CIT: variants seen among roughly 807,000 people sequenced by gnomAD.
CIT encodes the protein citron rho-interacting serine/threonine kinase.
In CIT, 79 loss-of-function variants were observed where a neutral mutation model predicts 272.7. The ratio of observed to expected loss-of-function variants is 0.29; its 90% CI spans 0.24 to 0.35. CIT has a LOEUF of 0.35. CIT is among the 10% of genes least tolerant of loss of function. The pLI, the probability that CIT is intolerant of heterozygous loss-of-function variation, is 1.00. For synonymous variants in CIT, 948 were observed against 995.6 expected (o/e 0.95, Z 0.90); for missense variants, 1,909 against 2,618.3 (o/e 0.73, Z 5.91).
rs574845946 is a variant in CIT at position 119,690,181 on chromosome 12, G to A, written c.6156C>T (p.Ala2052=). The A allele has an allele frequency of 2.0e-5, 29 of 1,485,004 alleles. No individual in the cohort carries two copies. In the African/African-American group the frequency reaches 2.9e-4, roughly 15 times the overall value. 92.0% of individuals were successfully genotyped at this position (1,485,004 alleles called of 1,614,324 possible). A position where few individuals can be genotyped will look rare whatever the true frequency, so the allele number is the denominator to read the frequency against. The change falls in exon 47 of 48, where the codon GCC becomes GCT. Residue 2052 remains alanine (A), a synonymous_variant. Coordinates refer to ENST00000392521, the MANE Select transcript of CIT (RefSeq NM_001206999.2). The surrounding 1 kb of genome is among the most constrained non-coding windows in gnomAD (Gnocchi z 6.0). The stretch of plus-strand genomic sequence containing the variant: ...TCACCTGGGACAGCGGGGTCCTCAC[G>A]GCTCCCGCAGGCAGCCGGCCCCTGC... ...DSSRGRLPAG[A]VRTPLSQVNK... is the part of the protein sequence containing the mutation.
At chr12:119,764,829 C>T (rs751977707) in intron 19 of CIT, among the ~76,000 whole-genome samples, 2 of 151,816 alleles carry the variant, frequency 1.3e-5, no homozygotes, top group Non-Finnish European at 2.9e-5. Flanking sequence ...TTTTTTGAGA[C>T]AGAGTCTCAC....
intron 32 of CIT, among the ~76,000 whole-genome samples, chr12:119,716,384 A>C (rs1957484891): frequency 2.7e-5 from 1 of 37,594 alleles, no homozygotes; most frequent in Non-Finnish European, 4.8e-5. Flanking sequence ...GTCTCAAAAA[A>C]AAAAAAAAAA....
At chr12:119,750,871 G>A (rs887464177) in intron 23 of CIT, among the ~76,000 whole-genome samples, 22 of 152,180 alleles carry the variant, frequency 1.4e-4, no homozygotes, top group Admixed American at 3.9e-4. Context: ...TTCATTCCAC[G>A]GAAGTAACCC....
intron 9 of CIT, among the ~76,000 whole-genome samples, chr12:119,813,976 G>C (rs2137969551): frequency 6.6e-6 from 1 of 151,936 alleles, no homozygotes; most frequent in East Asian, 1.9e-4. Flanking sequence ...TTTCTGCTTT[G>C]GTCACTGGGA....
At chr12:119,754,756 G>C (rs906902438) in intron 22 of CIT, among the ~76,000 whole-genome samples, 1 of 152,212 alleles carries the variant, frequency 6.6e-6, no homozygotes, top group African/African-American at 2.4e-5. Flanking sequence ...AGAATATAGA[G>C]CCTGAACCTC....
At chr12:119,778,806 T>C (rs7133437) in intron 13 of CIT, among the ~76,000 whole-genome samples, 70,203 of 151,974 alleles carry the variant, frequency 0.46, 16,786 homozygotes, top group Admixed American at 0.57. Flanking sequence ...AAAAGCATAC[T>C]GTTATTGAAG....
intron 9 of CIT, among the ~76,000 whole-genome samples, chr12:119,809,498 C>G (rs1566075596): frequency 6.6e-6 from 1 of 152,120 alleles, no homozygotes; most frequent in Non-Finnish European, 1.5e-5. Flanking sequence ...CTCCCATAGT[C>G]CTTGTTACAA....
At chr12:119,753,946 A>T (rs1264819820) in intron 22 of CIT, among the ~76,000 whole-genome samples, 3 of 152,194 alleles carry the variant, frequency 2.0e-5, no homozygotes. Context: ...GTCTACTAGT[A>T]AGACAATGGG....
chr12:119,749,679 A>G (rs278130), intron 23 of CIT, among the ~76,000 whole-genome samples: 128,800 of 152,116 alleles, frequency 0.85, 54,965 homozygotes, highest in African/African-American at 0.93. Flanking sequence ...TCATCTGCAA[A>G]AGCAACAGAG....
rs1964585704 is a variant in CIT, at chr12:119,784,454, A to G, written c.1402-403T>C. On this transcript the variant is annotated intron_variant, in intron 11 of 47. Transcript: ENST00000392521. This position sits in a 1 kb window ranked among gnomAD's most constrained non-coding sequence, Gnocchi z 4.7. The stretch of plus-strand genomic sequence containing the variant: ...AGGACAAATCCAGGACAGGGCAAGG[A>G]GATATTTATTCGTCTGCACTCTTAG... The G allele has an allele frequency of 1.7e-6, 2 of 1,202,134 alleles. No individual in the cohort carries two copies. The highest frequency in any genetic ancestry group is 1.6e-5 in the African/African-American group (1 of 63,092). 74.5% of individuals were successfully genotyped at this position (1,202,134 alleles called of 1,614,324 possible).
At chr12:119,808,886 G>T in intron 9 of CIT, among the ~76,000 whole-genome samples, 1 of 152,182 alleles carries the variant, frequency 6.6e-6, no homozygotes, top group East Asian at 1.9e-4. Flanking sequence ...ACTTATCAAT[G>T]TTATGAAGAC....
At chr12:119,743,060 T>G (rs1959138608) in intron 23 of CIT, among the ~76,000 whole-genome samples, 1 of 152,212 alleles carries the variant, frequency 6.6e-6, no homozygotes, top group Admixed American at 6.5e-5. Flanking sequence ...CCAGCAGCAT[T>G]TTTTCAGTTG....
chr12:119,815,441 T>A (rs189260834), intron 9 of CIT, among the ~76,000 whole-genome samples: 28 of 152,230 alleles, frequency 1.8e-4, no homozygotes, highest in Admixed American at 1.8e-3. Context: ...GTGCGGTGGC[T>A]CACGCCTGTA....
At chr12:119,862,914 A>G (rs1272616703) in intron 3 of CIT, among the ~76,000 whole-genome samples, 1 of 148,044 alleles carries the variant, frequency 6.8e-6, no homozygotes, top group African/African-American at 2.5e-5. Flanking sequence ...AAAGAGGCTG[A>G]CATTGGGCCG....
chr12:119,794,252 GAAC>G (rs1566054468), intron 10 of CIT, among the ~76,000 whole-genome samples: 1 of 151,764 alleles, frequency 6.6e-6, no homozygotes, highest in Non-Finnish European at 1.5e-5. Context: ...TTAAGGACTA[GAAC>G]AATATATTTG....
At chr12:119,703,421 C>CTT (rs34483318) in intron 41 of CIT, among the ~76,000 whole-genome samples, 153 of 105,706 alleles carry the variant, frequency 1.4e-3, no homozygotes, top group Non-Finnish European at 2.0e-3. Context: ...CTTCATTTCA[C>CTT]TTTTTTTTTT....
intron 9 of CIT, among the ~76,000 whole-genome samples, chr12:119,807,121 T>C (rs913008043): frequency 2.0e-5 from 3 of 152,166 alleles, no homozygotes; most frequent in Admixed American, 6.5e-5. Flanking sequence ...CCCATACCCA[T>C]GGAATCAGAA....
At chr12:119,863,609 C>A (rs570940983) in intron 3 of CIT, among the ~76,000 whole-genome samples, 20 of 152,010 alleles carry the variant, frequency 1.3e-4, no homozygotes, top group Non-Finnish European at 2.5e-4. Flanking sequence ...TCACTGCAAC[C>A]TCTGCCTCCC....
rs1465686814 is a variant in CIT, at chr12:119,738,791, G to A, written c.2959-3434C>T. Among the ~76,000 whole-genome samples the A allele has an allele frequency of 2.0e-5, 3 of 151,716 alleles. No homozygotes were observed. The South Asian group carries it at 6.2e-4, about 32-fold the overall frequency. On this transcript the variant is annotated intron_variant, in intron 24 of 47. Transcript: ENST00000392521. The stretch of plus-strand genomic sequence containing the variant: ...CCAGCTACCCAGGAGGCTGAGGCAG[G>A]AGAATCACTTGAACCTGGGAGGCGG...
Sources: gnomAD v4.1 joint callset for allele counts (sites outside exome capture counted in the v4.1 genomes callset) on GRCh38, gnomAD v4.1.1 for gene constraint, Gnocchi (gnomAD v3.1) non-coding constraint, MANE v1.5 for transcripts, NCBI Gene and HGNC (gene_info 2026-07-23, HGNC 2026-07-21) for gene names.